The following AFG1L variants were observed in gnomAD, a reference collection of about 807,000 sequenced individuals.
The protein encoded by AFG1L is AFG1-like ATPase.
In AFG1L, 53 loss-of-function variants were observed where a neutral mutation model predicts 62.2. The observed-to-expected ratio is 0.85, with a 90% CI of 0.68 to 1.07. The LOEUF is 1.07. Ranked by LOEUF, AFG1L falls within the 50% of genes least tolerant of loss-of-function variation. AFG1L has a pLI of 0.00. For missense variants in AFG1L, 555 were observed against 590.5 expected (o/e 0.94, Z 0.62); for synonymous variants, 228 against 210.3 (o/e 1.08, Z -0.73).
chr6:108,486,649 G>A (rs913517098), intron 10 of AFG1L, among the ~76,000 whole-genome samples: 3 of 152,064 alleles, frequency 2.0e-5, no homozygotes, highest in South Asian at 4.1e-4. Context: ...TGTTAATCAA[G>A]AAATATATGC....
chr6:108,307,491 G>A (rs1582561896), intron 1 of AFG1L, among the ~76,000 whole-genome samples: 1 of 148,870 alleles, frequency 6.7e-6, no homozygotes, highest in Non-Finnish European at 1.5e-5. Context: ...GCTCACTGCC[G>A]CCTAAACCTC....
intron 7 of AFG1L, among the ~76,000 whole-genome samples, chr6:108,410,446 A>G (rs1782046810): frequency 6.6e-6 from 1 of 152,218 alleles, no homozygotes; most frequent in Non-Finnish European, 1.5e-5. Context: ...AACTGCAAGT[A>G]GATACTAGAA....
chr6:108,411,239 G>C (rs1782095505), intron 7 of AFG1L, among the ~76,000 whole-genome samples: 1 of 152,248 alleles, frequency 6.6e-6, no homozygotes, highest in Non-Finnish European at 1.5e-5. Flanking sequence ...GCAGAGGCTT[G>C]AGTAGGTAAA....
chr6:108,471,853 C>T (rs1226437891), intron 8 of AFG1L, among the ~76,000 whole-genome samples: 3 of 152,158 alleles, frequency 2.0e-5, no homozygotes, highest in African/African-American at 7.2e-5. Context: ...AACTTGCTTA[C>T]TCTTCTCTTT....
At position 108,302,234 on chromosome 6, in the gene AFG1L, C is replaced by T. The variant is rs982367760; in HGVS notation, c.139+7016C>T. ...CTGGGATTACAGGCGTGAGCCATCG[C>T]TCCCAGCCCGAGACTAGAATTTAAT... On this transcript the variant is annotated intron_variant, in intron 1 of 12. Coordinates refer to ENST00000368977, the MANE Select transcript of AFG1L (RefSeq NM_145315.5). Among the ~76,000 whole-genome samples the T allele has an allele frequency of 2.0e-5, 3 of 152,180 alleles. No individual in the cohort carries two copies. The East Asian group carries it at 5.8e-4, about 29-fold the overall frequency.
At chr6:108,405,318 T>C (rs2114641809) in intron 7 of AFG1L, among the ~76,000 whole-genome samples, 1 of 152,310 alleles carries the variant, frequency 6.6e-6, no homozygotes, top group Non-Finnish European at 1.5e-5. Flanking sequence ...AAATTTTTTA[T>C]TGTGGCAAAA....
rs1474625393 is a variant in AFG1L at position 108,356,838 on chromosome 6, C to T, written c.648+18C>T. On this transcript the variant is annotated intron_variant, in intron 5 of 12. Coordinates refer to ENST00000368977, the MANE Select transcript of AFG1L (RefSeq NM_145315.5). ...AATTTCAGGTAAAGTAGAGATTTTT[C>T]ATAGATATAGAATGGTATATTGAAT... The T allele has an allele frequency of 2.5e-6, 4 of 1,597,394 alleles. No individual in the cohort carries two copies. Among genetic ancestry groups the T allele is most frequent in the Non-Finnish European group, 3.4e-6 (4 of 1,171,140 alleles).
Position 108,437,496 on chromosome 6 carries a change from T to C in AFG1L, c.808-9718T>C, listed in dbSNP as rs548036091. ...CCCACTGTCTTGGAGTTTCCAAGAC[T>C]GACATCCTTGGTTTAGATGATCAAG... is the stretch of plus-strand genomic sequence containing the variant. On this transcript the variant is annotated intron_variant, in intron 7 of 12. Coordinates refer to ENST00000368977, the MANE Select transcript of AFG1L (RefSeq NM_145315.5). Among the ~76,000 whole-genome samples, 137 of 152,256 alleles carry C rather than the reference T, an allele frequency of 9.0e-4. 1 individual carries two copies. Among genetic ancestry groups the C allele is most frequent in the African/African-American group, 3.1e-3 (130 of 41,526 alleles).
intron 6 of AFG1L, among the ~76,000 whole-genome samples, chr6:108,384,757 C>A (rs767247818): frequency 2.0e-5 from 3 of 151,880 alleles, no homozygotes; most frequent in African/African-American, 4.8e-5. Flanking sequence ...GAACTGAAAT[C>A]ATAAAAAATT....
At chr6:108,518,314 T>C (rs1774982518) in intron 11 of AFG1L, among the ~76,000 whole-genome samples, 1 of 152,148 alleles carries the variant, frequency 6.6e-6, no homozygotes, top group South Asian at 2.1e-4. Flanking sequence ...CATGGAATAC[T>C]ATGCAGCCAT....
intron 6 of AFG1L, among the ~76,000 whole-genome samples, chr6:108,375,204 T>C (rs1265208801): frequency 1.3e-5 from 2 of 152,198 alleles, no homozygotes; most frequent in Non-Finnish European, 2.9e-5. Flanking sequence ...CCTGAAGTTA[T>C]TTATTAGTTC....
chr6:108,355,104 C>CTTTTTTTTTTTT (rs60493859), intron 3 of AFG1L, among the ~76,000 whole-genome samples: 1 of 141,594 alleles, frequency 7.1e-6, no homozygotes, highest in Non-Finnish European at 1.5e-5. Context: ...TCTTTCTTCT[C>CTTTTTTTTTTTT]TTTTTTTTTT....
In AFG1L at chr6:108,416,929, T is replaced by TA. The variant is rs547132031; in HGVS notation, c.807+14877dup. Among the ~76,000 whole-genome samples, 708 of 151,242 alleles carry TA rather than the reference T, an allele frequency of 4.7e-3. 2 individuals are homozygous for TA. The highest frequency in any genetic ancestry group is 0.017 in the African/African-American group (684 of 41,258). ...CCTAGAACTTAAAGTATAATAATAA[T>TA]AATAAATAAATAAATAAAGGGGCCT... On this transcript the variant is annotated intron_variant, in intron 7 of 12. Transcript: ENST00000368977.
chr6:108,348,925 C>T (rs1413694783), intron 3 of AFG1L, among the ~76,000 whole-genome samples: 1 of 152,046 alleles, frequency 6.6e-6, no homozygotes, highest in African/African-American at 2.4e-5. Context: ...TTTAAAAACC[C>T]TATGAATGTT....
At chr6:108,463,047 G>A (rs966404307) in intron 8 of AFG1L, among the ~76,000 whole-genome samples, 1 of 151,910 alleles carries the variant, frequency 6.6e-6, no homozygotes, top group Non-Finnish European at 1.5e-5. Context: ...CCAGCACTGT[G>A]GGAGGCTGAG....
At chr6:108,367,657 G>A (rs1303324436) in intron 6 of AFG1L, among the ~76,000 whole-genome samples, 1 of 152,164 alleles carries the variant, frequency 6.6e-6, no homozygotes, top group Non-Finnish European at 1.5e-5. Flanking sequence ...AGGGGTTTCT[G>A]TGGTGACAAG....
intron 7 of AFG1L, among the ~76,000 whole-genome samples, chr6:108,421,701 G>A (rs1024573807): frequency 1.3e-5 from 2 of 152,120 alleles, no homozygotes. Context: ...GTTTTCAGTT[G>A]TTCGTAATGA....
intron 6 of AFG1L, among the ~76,000 whole-genome samples, chr6:108,396,435 A>G (rs902705004): frequency 6.6e-6 from 1 of 152,166 alleles, no homozygotes; most frequent in African/African-American, 2.4e-5. Context: ...AAGAGTTTTT[A>G]AGAAATAGTT....
chr6:108,296,373 TA>T (rs1352227518), intron 1 of AFG1L, among the ~76,000 whole-genome samples: 1 of 152,184 alleles, frequency 6.6e-6, no homozygotes, highest in Non-Finnish European at 1.5e-5. Context: ...TGGTAGTCAA[TA>T]AAAGCAAATG....
Sources: gnomAD v4.1 joint callset for allele counts (sites outside exome capture counted in the v4.1 genomes callset) on GRCh38, gnomAD v4.1.1 for gene constraint, MANE v1.5 for transcripts, NCBI Gene and HGNC (gene_info 2026-07-23, HGNC 2026-07-21) for gene names.